The following TET1 variants were observed in gnomAD, a reference collection of about 807,000 sequenced individuals.
TET1 encodes tet methylcytosine dioxygenase 1.
TET1 carries 13 observed loss-of-function variants against 148.7 expected under a neutral mutation model. The observed-to-expected ratio is 0.09, with a 90% CI of 0.06 to 0.14. The LOEUF (loss-of-function observed/expected upper bound fraction) is 0.14, where lower values mean the gene tolerates loss of function less well. Among genes scored for constraint, TET1 ranks in the 10% least tolerant of loss-of-function variants. The pLI is 1.00. For missense variants in TET1, 2,182 were observed against 2,553.8 expected, an observed-to-expected ratio of 0.85 and a Z score of 3.14; for synonymous variants, 907 against 937.2, an observed-to-expected ratio of 0.97 and a Z score of 0.59.
chr10:68,601,024 A>C lies in TET1; in HGVS notation c.1958A>C (p.Lys653Thr). The change falls in exon 3 of 12, where the codon AAA becomes ACA. Residue 653 changes from lysine to threonine, a missense_variant. By Grantham distance (78) the Lys-to-Thr change is moderately conservative (BLOSUM62 -1). This residue lies in a region of TET1 where 226 missense variants were observed against 307.4 expected (regional missense o/e 0.74). Coordinates refer to ENST00000373644, the MANE Select transcript of TET1 (RefSeq NM_030625.3). The part of the protein sequence containing the change: ...NKRPQREKKP[K>T]VLKADFDNKP... ...AGGCCCCAGAGGGAAAAGAAGCCCA[A>C]AGTTTTAAAGGTAATCAGCTGTTGA... The C allele has an allele frequency of 6.2e-7, 1 of 1,604,530 alleles. No individual in the cohort carries two copies. The highest frequency in any genetic ancestry group is 8.5e-7 in the Non-Finnish European group (1 of 1,177,860).
At chr10:68,616,996 C>T (rs941457848) in intron 3 of TET1, among the ~76,000 whole-genome samples, 7 of 120,728 alleles carry the variant, frequency 5.8e-5, no homozygotes, top group African/African-American at 9.4e-5. Flanking sequence ...CATGAGCCAC[C>T]GCGCCTGGCC....
At chr10:68,596,042 A>ATATATATATATG (rs1327877827) in intron 2 of TET1, among the ~76,000 whole-genome samples, 1 of 138,756 alleles carries the variant, frequency 7.2e-6, no homozygotes, top group African/African-American at 2.7e-5. Context: ...ATATATATAT[A>ATATATATATATG]TACACATTTT....
intron 3 of TET1, among the ~76,000 whole-genome samples, chr10:68,633,971 A>G (rs543233785): frequency 6.6e-6 from 1 of 152,254 alleles, no homozygotes; most frequent in Non-Finnish European, 1.5e-5. Flanking sequence ...TGCAGCTTTG[A>G]CCAGCTGGGC....
intron 2 of TET1, among the ~76,000 whole-genome samples, chr10:68,595,612 CTTTTT>C (rs71470530): frequency 2.8e-3 from 218 of 76,504 alleles, no homozygotes; most frequent in African/African-American, 0.011. Flanking sequence ...CACACAGCTT[CTTTTT>C]TTTTTTTTTT....
chr10:68,579,709 G>A (rs2053770252), intron 2 of TET1, among the ~76,000 whole-genome samples: 2 of 152,176 alleles, frequency 1.3e-5, no homozygotes, highest in South Asian at 4.1e-4. Flanking sequence ...ATTAGATGAA[G>A]CCTAGATTCA....
intron 1 of TET1, among the ~76,000 whole-genome samples, chr10:68,570,522 A>G (rs1233384614): frequency 1.3e-5 from 2 of 152,064 alleles, no homozygotes; most frequent in African/African-American, 4.8e-5. Context: ...AACATCAGAT[A>G]TTTGGTTTTC....
chr10:68,618,282 G>C (rs1013645940), intron 3 of TET1, among the ~76,000 whole-genome samples: 4 of 152,082 alleles, frequency 2.6e-5, no homozygotes, highest in African/African-American at 4.8e-5. Flanking sequence ...AAGAAAGTTG[G>C]AGTCAGGTTA....
intron 1 of TET1, among the ~76,000 whole-genome samples, chr10:68,562,081 TG>T (rs1564943328): frequency 6.6e-6 from 1 of 152,090 alleles, no homozygotes; most frequent in East Asian, 1.9e-4. Flanking sequence ...TGCAAGACCT[TG>T]GAGCGAGAAC....
chr10:68,568,959 G>A (rs1431478991), intron 1 of TET1, among the ~76,000 whole-genome samples: 1 of 152,100 alleles, frequency 6.6e-6, no homozygotes, highest in East Asian at 1.9e-4. Flanking sequence ...TTCTGGGTTT[G>A]GGCAGTGTCC....
intron 3 of TET1, among the ~76,000 whole-genome samples, chr10:68,627,118 A>G (rs1465338424): frequency 6.6e-6 from 1 of 152,008 alleles, no homozygotes; most frequent in Non-Finnish European, 1.5e-5. Context: ...TTAAAAATAC[A>G]AGAATTAGGC....
chr10:68,611,549 G>T (rs1260654157), intron 3 of TET1, among the ~76,000 whole-genome samples: 3 of 151,964 alleles, frequency 2.0e-5, no homozygotes, highest in Non-Finnish European at 4.4e-5. Flanking sequence ...TTACTCAGGA[G>T]GCTAGGGTGA....
rs748110423 is a variant in TET1, at chr10:68,645,317, C to T, written c.2588C>T (p.Pro863Leu). The change falls in exon 4 of 12, where the codon CCA becomes CTA. Residue 863 changes from proline to leucine, a missense_variant. By Grantham distance (98) the Pro-to-Leu change is moderately conservative. Coordinates refer to ENST00000373644, the MANE Select transcript of TET1 (RefSeq NM_030625.3). ...GDQPKTPENI[P>L]SKEPKDGSPV... ...CAACCAAAAACTCCTGAGAATATAC[C>T]AAGTAAAGAACCAAAAGATGGATCT... 5.6e-6 allele frequency: 9 copies of T among 1,613,944 alleles called. No individual in the cohort carries two copies. Among genetic ancestry groups the T allele is most frequent in the Non-Finnish European group, 6.8e-6 (8 of 1,180,000 alleles).
chr10:68,691,976 G>A lies in TET1; in HGVS notation c.*162G>A. On this transcript the variant is annotated 3_prime_UTR_variant, in exon 12 of 12. Transcript: ENST00000373644. The surrounding 1 kb of genome is among the most constrained non-coding windows in gnomAD (Gnocchi z 4.4). ...CAAAACGGGGTGGGTATTCTTAACTGTGACTATATTTTGACAATTGGTAGA... is the reference window on the plus strand; with the variant it reads ...CAAAACGGGGTGGGTATTCTTAACTATGACTATATTTTGACAATTGGTAGA... 3.7e-6 allele frequency: 3 copies of A among 806,580 alleles called. No homozygotes were observed. The highest frequency in any genetic ancestry group is 5.6e-6 in the Non-Finnish European group (3 of 535,652). 50.0% of individuals were successfully genotyped at this position (806,580 alleles called of 1,614,324 possible). A position where few individuals can be genotyped will look rare whatever the true frequency, so the allele number is the denominator to read the frequency against.
At chr10:68,620,297 T>G (rs2054352102) in intron 3 of TET1, among the ~76,000 whole-genome samples, 1 of 152,214 alleles carries the variant, frequency 6.6e-6, no homozygotes, top group Admixed American at 6.5e-5. Context: ...GAAGTAACCC[T>G]GTTCTCCTTA....
chr10:68,663,928 T>G (rs1481302138), intron 6 of TET1, among the ~76,000 whole-genome samples: 1 of 152,232 alleles, frequency 6.6e-6, no homozygotes, highest in East Asian at 1.9e-4. Flanking sequence ...AAGAATAATC[T>G]TAGCTGCAGT....
intron 7 of TET1, among the ~76,000 whole-genome samples, chr10:68,669,605 C>T (rs982916346): frequency 4.6e-5 from 7 of 151,140 alleles, no homozygotes; most frequent in Admixed American, 2.6e-4. Context: ...TCGCCCACCT[C>T]GGCCTCCCAA....
At position 68,691,840 on chromosome 10, in the gene TET1, T is replaced by G; in HGVS notation, c.*26T>G. On this transcript the variant is annotated 3_prime_UTR_variant, in exon 12 of 12. Coordinates refer to ENST00000373644, the MANE Select transcript of TET1 (RefSeq NM_030625.3). This position sits in a 1 kb window ranked among gnomAD's most constrained non-coding sequence, Gnocchi z 4.4. ...AGGCTTTTCTCCCCCTCTTAATGCC[T>G]TTGCTAGTGCAGTGTATTTTTTCAA... 1 of 1,582,076 alleles carries G rather than the reference T, an allele frequency of 6.3e-7. No homozygotes were observed.
At chr10:68,568,389 C>T (rs1324908405) in intron 1 of TET1, among the ~76,000 whole-genome samples, 1 of 151,640 alleles carries the variant, frequency 6.6e-6, no homozygotes, top group Admixed American at 6.6e-5. Flanking sequence ...CGCCCAGCTA[C>T]TTTTTGTATT....
intron 2 of TET1, among the ~76,000 whole-genome samples, chr10:68,592,441 C>T (rs753145966): frequency 5.3e-5 from 8 of 152,116 alleles, no homozygotes; most frequent in African/African-American, 7.2e-5. Context: ...TTAACAGGAG[C>T]GTTATTCTTG....
Sources: gnomAD v4.1 joint callset for allele counts (sites outside exome capture counted in the v4.1 genomes callset) on GRCh38, gnomAD v4.1.1 for gene constraint, gnomAD v4.1.1 regional missense constraint, Gnocchi (gnomAD v3.1) non-coding constraint, MANE v1.5 for transcripts, NCBI Gene and HGNC (gene_info 2026-07-23, HGNC 2026-07-21) for gene names.